NUP88: variants seen among roughly 807,000 people sequenced by gnomAD.
NUP88 encodes the protein nuclear pore complex protein Nup88.
NUP88 carries 57 observed loss-of-function variants against 93.9 expected under a neutral mutation model. That is an observed-to-expected ratio of 0.61 (90% CI 0.49 to 0.76). NUP88 has a LOEUF of 0.76. NUP88 is among the 30% of genes least tolerant of loss of function. The pLI is 0.00. For synonymous variants in NUP88, 346 were observed against 336.8 expected (o/e 1.03, Z -0.30); for missense variants, 911 against 901.0 (o/e 1.01, Z -0.14).
rs1318604740 is a variant in NUP88, at chr17:5,385,851, C to G, written c.*355G>C. On this transcript the variant is annotated 3_prime_UTR_variant, in exon 17 of 17. Transcript: ENST00000573584. ...TCCTTTGAATCCTAGGGTTCTATCCCTCTTCAGAGTCATGTTTCTGGTGCT... is the reference window on the plus strand; with the variant it reads ...TCCTTTGAATCCTAGGGTTCTATCCGTCTTCAGAGTCATGTTTCTGGTGCT... 3.7e-6 allele frequency: 1 copy of G among 268,976 alleles called. No homozygotes were observed. The highest frequency in any genetic ancestry group is 5.2e-5 in the Admixed American group (1 of 19,074). 16.7% of individuals were successfully genotyped at this position (268,976 alleles called of 1,614,324 possible). A position where few individuals can be genotyped will look rare whatever the true frequency, so the allele number is the denominator to read the frequency against.
At chr17:5,399,745 C>T (rs571543177) in intron 7 of NUP88, 95 bp from the exon 8 acceptor site, 48 of 576,248 alleles carry the variant, frequency 8.3e-5, no homozygotes, top group African/African-American at 6.4e-4. Context: ...AGCCTACAAA[C>T]GCATTTGTTG....
intron 9 of NUP88, among the ~76,000 whole-genome samples, chr17:5,391,875 C>A (rs527410393): frequency 6.6e-6 from 1 of 152,210 alleles, no homozygotes; most frequent in African/African-American, 2.4e-5. Flanking sequence ...CTCAGGAATC[C>A]CTAACTGTAG....
In NUP88 at chr17:5,386,836, T is replaced by C. The variant is rs745890054; in HGVS notation, c.2044-10A>G. 22 of 1,594,604 alleles carry C rather than the reference T, an allele frequency of 1.4e-5. No homozygotes were observed. The highest frequency in any genetic ancestry group is 3.3e-4 in the Middle Eastern group (2 of 6,056). On this transcript the variant is annotated splice_polypyrimidine_tract_variant and intron_variant, in intron 15 of 16. Transcript: ENST00000573584. ...CCTTTTTCATAGTAACCTTAAGTAT[T>C]AAAATAATAGATATTTTGGCAGTGG...
At chr17:5,418,782 T>G (rs1439892789) in intron 1 of NUP88, among the ~76,000 whole-genome samples, 1 of 152,210 alleles carries the variant, frequency 6.6e-6, no homozygotes, top group Admixed American at 6.5e-5. Context: ...AAACCAATAT[T>G]TGACCACGGC....
chr17:5,407,879 A>T (rs894616318), intron 5 of NUP88, among the ~76,000 whole-genome samples: 1 of 152,142 alleles, frequency 6.6e-6, no homozygotes, highest in Non-Finnish European at 1.5e-5. Flanking sequence ...CTCATAAATG[A>T]CAAGCTCAAT....
At chr17:5,415,458 A>T (rs1194179247) in intron 2 of NUP88, among the ~76,000 whole-genome samples, 1 of 152,230 alleles carries the variant, frequency 6.6e-6, no homozygotes, top group East Asian at 1.9e-4. Context: ...AGGAAATTAC[A>T]AGGGCAGATA....
intron 2 of NUP88, 69 bp from the exon 3 acceptor site, chr17:5,414,203 C>CA: frequency 7.0e-7 from 1 of 1,426,870 alleles, no homozygotes; most frequent in Non-Finnish European, 9.7e-7. Flanking sequence ...AAAGGAACTT[C>CA]TTTTTTTTGC....
intron 9 of NUP88, among the ~76,000 whole-genome samples, chr17:5,394,650 A>AGCTGGG (rs1010448524): frequency 3.8e-4 from 58 of 151,830 alleles, no homozygotes; most frequent in Middle Eastern, 3.4e-3. Flanking sequence ...GAAGACAGCA[A>AGCTGGG]GCTGGGGCTG....
At position 5,386,420 on chromosome 17, in the gene NUP88, CTA is replaced by C. The variant is rs1186226712; in HGVS notation, c.2163-153_2163-152del. ...TTCAGGTGGATAGCAATAGTGTTCA[CTA>C]TTCATTTAAGGTGGCAAACGGTGCA... is the stretch of plus-strand genomic sequence containing the variant. On this transcript the variant is annotated intron_variant, in intron 16 of 16. Transcript: ENST00000573584. 4 of 693,694 alleles carry C rather than the reference CTA, an allele frequency of 5.8e-6. No individual in the cohort carries two copies. The African/African-American group carries it at 7.2e-5, about 12-fold the overall frequency. 43.0% of individuals were successfully genotyped at this position (693,694 alleles called of 1,614,324 possible).
At chr17:5,419,283 G>C in intron 1 of NUP88, 71 bp downstream of exon 1, 1 of 1,453,050 alleles carries the variant, frequency 6.9e-7, no homozygotes, top group Non-Finnish European at 9.1e-7. Flanking sequence ...AAACAGCCAA[G>C]AGGAGCAAGG....
intron 7 of NUP88, among the ~76,000 whole-genome samples, chr17:5,401,532 A>G (rs1913167768): frequency 6.6e-6 from 1 of 152,232 alleles, no homozygotes; most frequent in African/African-American, 2.4e-5. Context: ...GTGGTTAGTG[A>G]CTTTATCATA....
chr17:5,399,961 C>A (rs967782899), intron 7 of NUP88, among the ~76,000 whole-genome samples: 1 of 151,942 alleles, frequency 6.6e-6, no homozygotes, highest in African/African-American at 2.4e-5. Context: ...GTTATGTTTA[C>A]ACTATGCAGA....
intron 4 of NUP88, among the ~76,000 whole-genome samples, chr17:5,410,415 T>C (rs113597246): frequency 6.6e-6 from 1 of 152,164 alleles, no homozygotes; most frequent in East Asian, 1.9e-4. Context: ...CAAGATATTA[T>C]CTTAGTTTCT....
intron 2 of NUP88, among the ~76,000 whole-genome samples, chr17:5,416,167 G>GTATATATATATATATATATA (rs377002927): frequency 6.1e-4 from 29 of 47,766 alleles, no homozygotes; most frequent in East Asian, 2.3e-3. Context: ...AAAAAAAAAA[G>GTATATATATATATATATATA]TATATATATA....
rs1912676441 is a variant in NUP88 at position 5,394,930 on chromosome 17, A to G, written c.1343T>C (p.Phe448Ser). The change falls in exon 9 of 17, where the codon TTT becomes TCT. Residue 448 changes from phenylalanine to serine, a missense_variant. Coordinates refer to ENST00000573584, the MANE Select transcript of NUP88 (RefSeq NM_002532.6). ...CTTCGTACAAAGGATGTGTTCAACAAAGCATTTCTGTTCTGTAGAGAGTTC... is the reference window on the plus strand; with the variant it reads ...CTTCGTACAAAGGATGTGTTCAACAGAGCATTTCTGTTCTGTAGAGAGTTC... ...LQELSTEQKC[F>S]VEHILCTKPL... is the part of the protein sequence containing the mutation. 7 of 1,613,844 alleles carry G rather than the reference A, an allele frequency of 4.3e-6. No individual in the cohort carries two copies. Among genetic ancestry groups the G allele is most frequent in the Non-Finnish European group, 5.9e-6 (7 of 1,179,712 alleles).
At chr17:5,404,000 G>C (rs2151642140) in intron 7 of NUP88, 99 bp downstream of exon 7, 1 of 1,273,636 alleles carries the variant, frequency 7.9e-7, no homozygotes, top group Non-Finnish European at 1.1e-6. Context: ...CTTTTTAAAG[G>C]CTGGAACCAC....
intron 1 of NUP88, among the ~76,000 whole-genome samples, chr17:5,417,513 C>A (rs950901045): frequency 5.9e-5 from 9 of 151,884 alleles, no homozygotes; most frequent in African/African-American, 2.2e-4. Flanking sequence ...CAAGGGCAGA[C>A]CCAGCCCCTG....
chr17:5,400,140 TAAA>T (rs1280995996), intron 7 of NUP88, among the ~76,000 whole-genome samples: 2 of 120,614 alleles, frequency 1.7e-5, no homozygotes, highest in Non-Finnish European at 3.3e-5. Flanking sequence ...TTTCATTTGT[TAAA>T]AAAAAAAAAA....
At position 5,385,304 on chromosome 17, in the gene NUP88, T is replaced by C. The variant is rs1911857680; in HGVS notation, c.*902A>G. Reference sequence around the variant, plus strand: ...TGTAGAAGGCAGGATTTAGCCCTTCTAGGCAAAAGAAAAGCTCAGTTGGGT... The same window carrying C: ...TGTAGAAGGCAGGATTTAGCCCTTCCAGGCAAAAGAAAAGCTCAGTTGGGT... On this transcript the variant is annotated 3_prime_UTR_variant, in exon 17 of 17. Coordinates refer to ENST00000573584, the MANE Select transcript of NUP88 (RefSeq NM_002532.6). The C allele has an allele frequency of 4.3e-6, 1 of 231,042 alleles. No homozygotes were observed. Among genetic ancestry groups the C allele is most frequent in the Non-Finnish European group, 8.6e-6 (1 of 116,764 alleles). The allele number at this position is 231,042 out of a possible 1,614,324, so 14.3% of individuals were successfully genotyped here.
Sources: gnomAD v4.1 joint callset for allele counts (sites outside exome capture counted in the v4.1 genomes callset) on GRCh38, gnomAD v4.1.1 for gene constraint, MANE v1.5 for transcripts, NCBI Gene and HGNC (gene_info 2026-07-23, HGNC 2026-07-21) for gene names.